Variants in WNT11 observed in about 807,000 individuals in gnomAD.
WNT11 encodes the protein Wnt family member 11.
Under a neutral mutation model 35.6 loss-of-function variants are expected in WNT11, and 20 were observed. The observed-to-expected ratio is 0.56, with a 90% CI of 0.40 to 0.82. The LOEUF (loss-of-function observed/expected upper bound fraction) is 0.82. WNT11 is among the 40% of genes least tolerant of loss of function. The pLI is 0.00. For missense variants in WNT11, 459 were observed against 504.4 expected, an observed-to-expected ratio of 0.91 and a Z score of 0.86; for synonymous variants, 200 against 211.9, an observed-to-expected ratio of 0.94 and a Z score of 0.49.
At chr11:76,187,305 T>C in intron 4 of WNT11, 66 bp from the exon 5 acceptor site, 1 of 1,451,392 alleles carries the variant, frequency 6.9e-7, no homozygotes. Context: ...ACCCCATGAC[T>C]CCCAGCCAGG....
chr11:76,202,515 C>T (rs1953396482), intron 1 of WNT11, among the ~76,000 whole-genome samples: 1 of 152,156 alleles, frequency 6.6e-6, no homozygotes, highest in South Asian at 2.1e-4. Flanking sequence ...AGCAGGACCC[C>T]AGGCTCTAGG....
rs774201803 is a variant in WNT11 at position 76,196,579 on chromosome 11, C to T, written c.223G>A (p.Glu75Lys). Residue 75 changes from glutamate (E) to lysine (K), a missense_variant, in exon 2 of 5, where the codon GAG becomes AAG. By Grantham distance (56) the Glu-to-Lys change is moderately conservative. Coordinates refer to ENST00000322563, the MANE Select transcript of WNT11 (RefSeq NM_004626.3). ...GCCCGGCGACAGGCCTTCATGACCT[C>T]GCGGGCGGCGTGCACCACCGTGTGC... ...LMHTVVHAAR[E>K]VMKACRRAFA... The T allele has an allele frequency of 9.3e-6, 15 of 1,613,624 alleles. No individual in the cohort carries two copies. Among genetic ancestry groups the T allele is most frequent in the Admixed American group, 3.3e-5 (2 of 60,028 alleles).
upstream of WNT11, chr11:76,206,669 G>A (rs1953481272): frequency 3.1e-6 from 2 of 648,654 alleles, no homozygotes; most frequent in Non-Finnish European, 4.2e-6. Context: ...CGAATTAGGC[G>A]CGGCCGAAGG....
upstream of WNT11, chr11:76,210,489 A>G (rs1234365680): frequency 1.0e-6 from 1 of 985,144 alleles, no homozygotes. Flanking sequence ...GGCGCTCGCC[A>G]GGCGCGCCCT....
intron 1 of WNT11, among the ~76,000 whole-genome samples, chr11:76,202,544 C>G (rs571827382): frequency 2.0e-5 from 3 of 151,936 alleles, no homozygotes; most frequent in African/African-American, 7.3e-5. Context: ...GCAAGCCCAG[C>G]CTCTCCCCAG....
upstream of WNT11, among the ~76,000 whole-genome samples, chr11:76,208,655 G>T (rs1459938638): frequency 6.6e-6 from 1 of 152,188 alleles, no homozygotes; most frequent in African/African-American, 2.4e-5. Context: ...GACTCACAGC[G>T]GGGGATCTGT....
intron 1 of WNT11, 144 bp downstream of exon 1, chr11:76,206,181 A>G: frequency 1.5e-6 from 1 of 676,232 alleles, no homozygotes; most frequent in Non-Finnish European, 2.2e-6. Context: ...GAGGAAACAG[A>G]GGCTGAGGGA....
chr11:76,210,552 G>C, upstream of WNT11: 2 of 985,240 alleles, frequency 2.0e-6, no homozygotes, highest in African/African-American at 1.7e-5. Flanking sequence ...GGTTTCCAGC[G>C]GGCCCGTGCG....
chr11:76,207,256 G>C (rs1366256074), upstream of WNT11, among the ~76,000 whole-genome samples: 1 of 152,162 alleles, frequency 6.6e-6, no homozygotes, highest in Non-Finnish European at 1.5e-5. Context: ...CCAGCTACTC[G>C]GGAGGCTGAG....
rs75467162 is a variant in WNT11, at chr11:76,196,928, G to A, written c.84-210C>T. Among the ~76,000 whole-genome samples the A allele has an allele frequency of 9.0e-3, 1,376 of 152,286 alleles. 18 individuals carry two copies. Among genetic ancestry groups the A allele is most frequent in the African/African-American group, 0.032 (1,312 of 41,556 alleles). ...CCCATGTGACCTTGGGCACATCACC[G>A]TCCCTCTCTGGGCCTCAGGCCCTAT... On this transcript the variant is annotated intron_variant, in intron 1 of 4. Transcript: ENST00000322563.
intron 4 of WNT11, 65 bp from the exon 5 acceptor site, chr11:76,187,304 C>CA: frequency 6.7e-7 from 1 of 1,483,692 alleles, no homozygotes; most frequent in Admixed American, 2.1e-5. Context: ...CACCCCATGA[C>CA]TCCCAGCCAG....
intron 4 of WNT11, 38 bp from the exon 5 acceptor site, chr11:76,187,277 G>T: frequency 6.4e-7 from 1 of 1,572,532 alleles, no homozygotes; most frequent in Non-Finnish European, 8.6e-7. Context: ...TGCATGCCTT[G>T]GTCACCACCC....
In WNT11 at chr11:76,187,044, C is replaced by T. The variant is rs145411727; in HGVS notation, c.*21G>A. 2.3e-4 allele frequency: 365 copies of T among 1,606,878 alleles called. 5 individuals are homozygous for T. The East Asian group carries it at 6.8e-3, about 30-fold the overall frequency. On this transcript the variant is annotated 3_prime_UTR_variant, in exon 5 of 5. Coordinates refer to ENST00000322563, the MANE Select transcript of WNT11 (RefSeq NM_004626.3). ...TCCTTGAGCAGAGTCCTCGCTCCTG[C>T]GTGGGGCGGAGGGCAGGGCCTCACT... is the stretch of plus-strand genomic sequence containing the variant.
rs1418136637 is a variant in WNT11 at position 76,205,224 on chromosome 11, G to A, written c.83+1101C>T. On this transcript the variant is annotated intron_variant, in intron 1 of 4. Coordinates refer to ENST00000322563, the MANE Select transcript of WNT11 (RefSeq NM_004626.3). ...AGTGACCTCCAGACTGTTTGCTGGC[G>A]GCGCAGCCACTATCACCCTGTCTTC... Among the ~76,000 whole-genome samples the A allele has an allele frequency of 5.3e-5, 8 of 152,292 alleles. 1 individual carries two copies. The South Asian group carries it at 1.0e-3, about 20-fold the overall frequency.
intron 1 of WNT11, 144 bp from the exon 2 acceptor site, chr11:76,196,862 C>A: frequency 1.1e-6 from 1 of 900,794 alleles, no homozygotes; most frequent in East Asian, 2.7e-5. Context: ...AAAAAAGGCT[C>A]CCAAACTGTC....
upstream of WNT11, among the ~76,000 whole-genome samples, chr11:76,207,584 A>G (rs1052965692): frequency 6.6e-6 from 1 of 152,012 alleles, no homozygotes; most frequent in African/African-American, 2.4e-5. Context: ...GAGGATGGGA[A>G]ACGGGATGGT....
intron 1 of WNT11, among the ~76,000 whole-genome samples, chr11:76,202,902 T>C (rs2134599415): frequency 6.6e-6 from 1 of 152,326 alleles, no homozygotes. Flanking sequence ...TGCCTGGAAA[T>C]GACACTGGGT....
chr11:76,208,153 T>C (rs1643885152), upstream of WNT11, among the ~76,000 whole-genome samples: 1 of 152,204 alleles, frequency 6.6e-6, no homozygotes, highest in Non-Finnish European at 1.5e-5. Flanking sequence ...CCCGTCTCCC[T>C]GCAGCCTGCG....
At chr11:76,206,577 G>A, upstream of WNT11, 1 of 1,199,570 alleles carries the variant, frequency 8.3e-7, no homozygotes, top group East Asian at 3.5e-5. Context: ...TTACAAAGGA[G>A]GGGTCGGGGC....
Sources: gnomAD v4.1 joint callset for allele counts (sites outside exome capture counted in the v4.1 genomes callset) on GRCh38, gnomAD v4.1.1 for gene constraint, MANE v1.5 for transcripts, NCBI Gene and HGNC (gene_info 2026-07-23, HGNC 2026-07-21) for gene names.